SLC25A31: variants seen among roughly 807,000 people sequenced by gnomAD.
SLC25A31 encodes solute carrier family 25 member 31.
Under a neutral mutation model 36.2 loss-of-function variants are expected in SLC25A31, and 40 were observed. The observed-to-expected ratio is 1.10, with a 90% CI of 0.86 to 1.44. The LOEUF (loss-of-function observed/expected upper bound fraction) is 1.44. Ranked by LOEUF, SLC25A31 falls within the 40% of genes most tolerant of loss-of-function variation. The probability of loss-of-function intolerance (pLI) is 0.00; values close to 1 mark genes in which losing one functional copy is unlikely to be tolerated. For synonymous variants in SLC25A31, 143 were observed against 149.7 expected, an observed-to-expected ratio of 0.96 and a Z score of 0.32; for missense variants, 350 against 397.1, an observed-to-expected ratio of 0.88 and a Z score of 1.01.
At chr4:127,762,462 G>T (rs1049825048) in intron 2 of SLC25A31, among the ~76,000 whole-genome samples, 2 of 152,040 alleles carry the variant, frequency 1.3e-5, no homozygotes, top group Admixed American at 1.3e-4. Flanking sequence ...ACAGGCCTGG[G>T]GTTTCTTTTT....
At chr4:127,755,017 CAAAG>C (rs1266434155) in intron 2 of SLC25A31, among the ~76,000 whole-genome samples, 4 of 152,194 alleles carry the variant, frequency 2.6e-5, no homozygotes, top group Admixed American at 6.5e-5. Context: ...TGATTCTTGA[CAAAG>C]AAGCCAAGAA....
intron 3 of SLC25A31, 105 bp from the exon 4 acceptor site, chr4:127,766,960 TG>T (rs1732255560): frequency 1.0e-6 from 1 of 976,488 alleles, no homozygotes. Flanking sequence ...TTGTTAGATT[TG>T]TAAGTGGGAA....
intron 1 of SLC25A31, among the ~76,000 whole-genome samples, chr4:127,731,923 GTTTTTC>G: frequency 6.6e-6 from 1 of 152,138 alleles, no homozygotes; most frequent in Middle Eastern, 3.4e-3. Context: ...AGTATTACCA[GTTTTTC>G]TTTTTGCATC....
chr4:127,738,171 C>T (rs1387802443), intron 1 of SLC25A31, among the ~76,000 whole-genome samples: 2 of 152,144 alleles, frequency 1.3e-5, no homozygotes, highest in Non-Finnish European at 2.9e-5. Context: ...CAGAGTCAAG[C>T]GATTCCCACT....
At chr4:127,734,769 T>A (rs1211446793) in intron 1 of SLC25A31, among the ~76,000 whole-genome samples, 1 of 151,842 alleles carries the variant, frequency 6.6e-6, no homozygotes, top group Non-Finnish European at 1.5e-5. Context: ...GGGAAGAAAA[T>A]ATTAGGTATT....
At chr4:127,736,561 T>TAGA (rs1365377392) in intron 1 of SLC25A31, among the ~76,000 whole-genome samples, 2 of 152,176 alleles carry the variant, frequency 1.3e-5, no homozygotes, top group Admixed American at 1.3e-4. Flanking sequence ...ATAGAGGCAA[T>TAGA]AGAAGTGCAG....
intron 5 of SLC25A31, among the ~76,000 whole-genome samples, chr4:127,770,874 G>A (rs1732344093): frequency 6.6e-6 from 1 of 151,156 alleles, no homozygotes; most frequent in Admixed American, 6.6e-5. Flanking sequence ...TTCCTCTGAA[G>A]ACCTCTCTCC....
intron 1 of SLC25A31, among the ~76,000 whole-genome samples, chr4:127,732,866 T>A (rs1486338669): frequency 1.3e-5 from 2 of 152,194 alleles, no homozygotes; most frequent in Non-Finnish European, 2.9e-5. Flanking sequence ...AATTTTTTTT[T>A]ATTTAGCACA....
At chr4:127,731,936 C>T (rs143542833) in intron 1 of SLC25A31, among the ~76,000 whole-genome samples, 2 of 152,142 alleles carry the variant, frequency 1.3e-5, no homozygotes, top group East Asian at 1.9e-4. Context: ...TTTCTTTTTG[C>T]ATCAAGCACT....
At chr4:127,765,247 T>C (rs1398557087) in intron 3 of SLC25A31, among the ~76,000 whole-genome samples, 1 of 152,182 alleles carries the variant, frequency 6.6e-6, no homozygotes, top group East Asian at 1.9e-4. Flanking sequence ...CTGGAAGTAG[T>C]AGTTAGTTCC....
At chr4:127,748,208 C>G (rs1731859259) in intron 2 of SLC25A31, among the ~76,000 whole-genome samples, 1 of 152,172 alleles carries the variant, frequency 6.6e-6, no homozygotes, top group South Asian at 2.1e-4. Flanking sequence ...AATGTTAGCA[C>G]AAACTCTCCC....
chr4:127,768,754 T>G lies in SLC25A31; in HGVS notation c.636T>G (p.Gly212=). Reference sequence around the variant, plus strand: ...CTTGGCACATTTTTCTTTTCTAGGGTTTATTACCAAAGCCAAAGAAAACTC... The same window carrying G: ...CTTGGCACATTTTTCTTTTCTAGGGGTTATTACCAAAGCCAAAGAAAACTC... ...SYFGAYDTVK[G]LLPKPKKTPF... is the part of the protein sequence containing the mutation. The change falls in exon 5 of 6, where the codon GGT becomes GGG. Residue 212 remains glycine (G), a splice_region_variant and synonymous_variant. Coordinates refer to ENST00000281154, the MANE Select transcript of SLC25A31 (RefSeq NM_031291.4). 6.3e-7 allele frequency: 1 copy of G among 1,597,068 alleles called. No homozygotes were observed. Among genetic ancestry groups the G allele is most frequent in the Admixed American group, 1.7e-5 (1 of 57,238 alleles).
At chr4:127,737,555 C>CTT (rs201173691) in intron 1 of SLC25A31, among the ~76,000 whole-genome samples, 2 of 145,918 alleles carry the variant, frequency 1.4e-5, no homozygotes, top group Non-Finnish European at 1.5e-5. Flanking sequence ...TTGTACTACT[C>CTT]TTTTTTTTTT....
At chr4:127,767,006 G>T (rs1732256435) in intron 3 of SLC25A31, 60 bp from the exon 4 acceptor site, 2 of 1,386,856 alleles carry the variant, frequency 1.4e-6, no homozygotes, top group Non-Finnish European at 1.9e-6. Flanking sequence ...GGTTTATTTT[G>T]ATTAAAGTGT....
chr4:127,739,899 T>G (rs964250182), intron 1 of SLC25A31, among the ~76,000 whole-genome samples: 2 of 152,096 alleles, frequency 1.3e-5, no homozygotes, highest in African/African-American at 4.8e-5. Context: ...TGAAATTTCT[T>G]AAGTAAGCTT....
In SLC25A31 at chr4:127,773,568, T is replaced by C. The variant is rs752517670; in HGVS notation, c.942T>C (p.Gly314=). The C allele has an allele frequency of 1.3e-6, 2 of 1,591,000 alleles. No individual in the cohort carries two copies. Among genetic ancestry groups the C allele is most frequent in the Admixed American group, 3.6e-5 (2 of 55,504 alleles). The change falls in exon 6 of 6, where the codon GGT becomes GGC. Residue 314 remains glycine (G), a synonymous_variant. Transcript: ENST00000281154. ...AATTCTTTCATATTGATATTGGTGG[T>C]AGGTAATCGGGAGAGTAAATTAAGA... ...IKEFFHIDIG[G]R
chr4:127,768,916 T>C, intron 5 of SLC25A31, 39 bp downstream of exon 5: 1 of 1,533,612 alleles, frequency 6.5e-7, no homozygotes. Flanking sequence ...GTTGAGTTTT[T>C]AATATCTCTG....
chr4:127,739,248 T>A (rs907012320), intron 1 of SLC25A31, among the ~76,000 whole-genome samples: 1 of 152,194 alleles, frequency 6.6e-6, no homozygotes. Flanking sequence ...TTCATTTCCA[T>A]GTGTAGAGCT....
At chr4:127,751,656 G>T (rs1452845670) in intron 2 of SLC25A31, among the ~76,000 whole-genome samples, 15 of 151,466 alleles carry the variant, frequency 9.9e-5, no homozygotes, top group Non-Finnish European at 1.6e-4. Flanking sequence ...TGGGAGAAAA[G>T]TTTTGCAATC....
Sources: gnomAD v4.1 joint callset for allele counts (sites outside exome capture counted in the v4.1 genomes callset) on GRCh38, gnomAD v4.1.1 for gene constraint, MANE v1.5 for transcripts, NCBI Gene and HGNC (gene_info 2026-07-23, HGNC 2026-07-21) for gene names.